Variants in ILDR1 observed in about 807,000 individuals in gnomAD.
The protein encoded by ILDR1 is immunoglobulin-like domain-containing receptor 1.
Under a neutral mutation model 62.4 loss-of-function variants are expected in ILDR1, and 56 were observed. The ratio of observed to expected loss-of-function variants is 0.90; its 90% CI spans 0.72 to 1.12. ILDR1 has a LOEUF of 1.12. Ranked by LOEUF, ILDR1 falls within the 50% of genes most tolerant of loss-of-function variation. ILDR1 has a pLI of 0.00. For missense variants in ILDR1, 736 were observed against 710.6 expected (o/e 1.04, Z -0.41); for synonymous variants, 284 against 277.8 (o/e 1.02, Z -0.22).
chr3:122,032,466 A>C, the ILDR1 span, among the ~76,000 whole-genome samples: 1 of 152,224 alleles, frequency 6.6e-6, no homozygotes, highest in Non-Finnish European at 1.5e-5. Flanking sequence ...TCACCCATCC[A>C]TCCATTTTTG....
chr3:122,051,776 C>T, the ILDR1 span, among the ~76,000 whole-genome samples: 7 of 152,134 alleles, frequency 4.6e-5, no homozygotes, highest in Non-Finnish European at 7.4e-5. Context: ...CTTTACCAGC[C>T]GGCTTTGTAC....
At chr3:122,057,206 C>A in the ILDR1 span, among the ~76,000 whole-genome samples, 1 of 152,118 alleles carries the variant, frequency 6.6e-6, no homozygotes, top group South Asian at 2.1e-4. Context: ...TATCAAAAGC[C>A]TTTAAAATGT....
intron 1 of ILDR1, among the ~76,000 whole-genome samples, chr3:122,011,296 GA>G (rs2071698565): frequency 6.6e-6 from 1 of 152,206 alleles, no homozygotes; most frequent in Admixed American, 6.5e-5. Flanking sequence ...AATTTGGTTA[GA>G]GTCAGAAATT....
intron 1 of ILDR1, among the ~76,000 whole-genome samples, chr3:122,010,576 G>C (rs2071689176): frequency 6.6e-6 from 1 of 152,126 alleles, no homozygotes; most frequent in Non-Finnish European, 1.5e-5. Context: ...TTTGGTTCTT[G>C]TTCTTTCTCT....
At chr3:122,029,532 A>ATATATATATATATG in the ILDR1 span, among the ~76,000 whole-genome samples, 4 of 148,780 alleles carry the variant, frequency 2.7e-5, no homozygotes, top group South Asian at 4.3e-4. Context: ...ATATATATAT[A>ATATATATATATATG]TTTAGGGGAA....
chr3:122,046,806 A>G, the ILDR1 span, among the ~76,000 whole-genome samples: 1 of 132,936 alleles, frequency 7.5e-6, no homozygotes, highest in East Asian at 2.3e-4. Flanking sequence ...TGGTTATTCT[A>G]GTTATACATT....
At chr3:121,992,143 A>AT (rs558228108) in intron 7 of ILDR1, among the ~76,000 whole-genome samples, 4 of 150,548 alleles carry the variant, frequency 2.7e-5, no homozygotes, top group Admixed American at 6.6e-5. Context: ...TTAATTATAA[A>AT]TTTTTTTTTT....
the ILDR1 span, among the ~76,000 whole-genome samples, chr3:122,047,287 C>T: frequency 1.3e-5 from 2 of 152,198 alleles, no homozygotes; most frequent in Non-Finnish European, 2.9e-5. Context: ...CTCAGATCTC[C>T]AGCTGCGTGC....
chr3:122,007,161 C>G lies in ILDR1; in HGVS notation c.59G>C (p.Gly20Ala). The change falls in exon 2 of 8, where the codon GGG becomes GCG. Residue 20 changes from glycine (G) to alanine (A), a missense_variant and splice_region_variant. Coordinates refer to ENST00000344209, the MANE Select transcript of ILDR1 (RefSeq NM_001199799.2). ...WLLLCTWLPA[G>A]CLSLLVTVQH... ...GACCGTCACAAGCAAGGACAGGCAC[C>G]CTAAAGCCAAGAGCAGGAGAAAATG... is the stretch of plus-strand genomic sequence containing the variant. The G allele has an allele frequency of 6.2e-7, 1 of 1,613,978 alleles. No homozygotes were observed.
At chr3:122,047,289 G>A in the ILDR1 span, among the ~76,000 whole-genome samples, 9 of 152,192 alleles carry the variant, frequency 5.9e-5, no homozygotes, top group African/African-American at 1.7e-4. Context: ...CAGATCTCCA[G>A]CTGCGTGCTG....
the ILDR1 span, among the ~76,000 whole-genome samples, chr3:122,047,185 G>A: frequency 6.6e-6 from 1 of 150,634 alleles, no homozygotes; most frequent in Non-Finnish European, 1.5e-5. Flanking sequence ...GCCGTGTGAG[G>A]TGTCAGTGTG....
intron 1 of ILDR1, among the ~76,000 whole-genome samples, chr3:122,011,677 T>TCTCACACACACACACACACACACA (rs1553745466): frequency 2.3e-5 from 3 of 133,236 alleles, no homozygotes; most frequent in East Asian, 2.0e-4. Context: ...TCTCTCTCTT[T>TCTCACACACACACACACACACACA]CACACACACA....
chr3:122,011,005 G>C (rs1351993372), intron 1 of ILDR1, among the ~76,000 whole-genome samples: 7 of 152,158 alleles, frequency 4.6e-5, no homozygotes, highest in Non-Finnish European at 1.0e-4. Flanking sequence ...CCTGAGCAGT[G>C]CTCCTGCCTC....
rs748934361 is a variant in ILDR1 at position 121,993,928 on chromosome 3, T to C, written c.821A>G (p.Gln274Arg). Reference protein sequence around the residue: ...PSSLPQMPMTQTTNQPPIANG... With the variant: ...PSSLPQMPMTRTTNQPPIANG... ...GGCGATGGGAGGCTGATTGGTGGTCTGGGTCATTGGCATCTGCGGGAGGCT... is the reference window on the plus strand; with the variant it reads ...GGCGATGGGAGGCTGATTGGTGGTCCGGGTCATTGGCATCTGCGGGAGGCT... Residue 274 changes from glutamine (Q) to arginine (R), a missense_variant, in exon 7 of 8, where the codon CAG becomes CGG. Physicochemically the swap from Gln to Arg is conservative, Grantham distance 43. Transcript: ENST00000344209. 1.2e-6 allele frequency: 2 copies of C among 1,613,268 alleles called. No individual in the cohort carries two copies. Among genetic ancestry groups the C allele is most frequent in the South Asian group, 2.2e-5 (2 of 91,084 alleles).
intron 1 of ILDR1, among the ~76,000 whole-genome samples, chr3:122,018,529 T>C (rs1193860247): frequency 6.6e-6 from 1 of 152,028 alleles, no homozygotes. Context: ...TAACCCAGTA[T>C]AATTAAAACA....
intron 1 of ILDR1, among the ~76,000 whole-genome samples, chr3:122,008,571 T>G (rs2071649980): frequency 1.9e-5 from 2 of 103,540 alleles, no homozygotes; most frequent in African/African-American, 6.7e-5. Flanking sequence ...TTTATTTCTT[T>G]TCTTTTCTTT....
chr3:122,030,051 T>C, the ILDR1 span, among the ~76,000 whole-genome samples: 14 of 152,308 alleles, frequency 9.2e-5, no homozygotes, highest in East Asian at 2.7e-3. Context: ...GTGACCTCTC[T>C]CAGAGAAAAG....
At chr3:122,030,589 T>G in the ILDR1 span, among the ~76,000 whole-genome samples, 1 of 151,554 alleles carries the variant, frequency 6.6e-6, no homozygotes, top group African/African-American at 2.4e-5. Context: ...ATTATCTCTG[T>G]GAGCTCAGTC....
the ILDR1 span, among the ~76,000 whole-genome samples, chr3:122,042,798 G>A: frequency 4.6e-5 from 7 of 152,262 alleles, no homozygotes; most frequent in African/African-American, 1.7e-4. Flanking sequence ...TGAGTTCATT[G>A]TAGATTCTGG....
Sources: allele counts gnomAD v4.1 joint callset (sites outside exome capture counted in the v4.1 genomes callset), GRCh38; gene constraint gnomAD v4.1.1; transcripts MANE v1.5; gene names NCBI Gene and HGNC (gene_info 2026-07-23, HGNC 2026-07-21).